Variants in CHCHD6 observed in about 807,000 individuals in gnomAD.
The protein encoded by CHCHD6 is MICOS complex subunit MIC25.
CHCHD6 carries 28 observed loss-of-function variants against 32.3 expected under a neutral mutation model. That is an observed-to-expected ratio of 0.87 (90% CI 0.64 to 1.19). The LOEUF (loss-of-function observed/expected upper bound fraction) is 1.19, where lower values mean the gene tolerates loss of function less well. Among genes scored for constraint, CHCHD6 ranks in the 50% most tolerant of loss-of-function variants. The pLI, the probability that CHCHD6 is intolerant of heterozygous loss-of-function variation, is 0.00. For synonymous variants in CHCHD6, 122 were observed against 117.5 expected, an observed-to-expected ratio of 1.04 and a Z score of -0.25; for missense variants, 333 against 307.0, an observed-to-expected ratio of 1.08 and a Z score of -0.63.
At chr3:126,730,718 C>T in intron 3 of CHCHD6, 88 bp downstream of exon 3, 2 of 1,099,678 alleles carry the variant, frequency 1.8e-6, no homozygotes, top group Non-Finnish European at 1.4e-6. Context: ...TGCCTGAAGC[C>T]CTGGAGGCTT....
chr3:126,928,499 C>T (rs773410616), intron 6 of CHCHD6, among the ~76,000 whole-genome samples: 5 of 152,108 alleles, frequency 3.3e-5, no homozygotes, highest in African/African-American at 4.8e-5. Context: ...GCTGGCCGCA[C>T]GTCACCTGTG....
At chr3:126,802,405 T>C (rs1170537436) in intron 4 of CHCHD6, among the ~76,000 whole-genome samples, 3 of 152,202 alleles carry the variant, frequency 2.0e-5, no homozygotes, top group Admixed American at 6.5e-5. Context: ...GCTTGAGAAC[T>C]ACGTGAAGAA....
At chr3:126,797,786 G>A (rs1195172565) in intron 4 of CHCHD6, among the ~76,000 whole-genome samples, 1 of 152,170 alleles carries the variant, frequency 6.6e-6, no homozygotes, top group Non-Finnish European at 1.5e-5. Flanking sequence ...TAACACACGT[G>A]CTCCCTCAGG....
chr3:126,862,482 TTCCTCCACCATCACCACCTCCCCC>T (rs1941960195), intron 5 of CHCHD6, among the ~76,000 whole-genome samples: 1 of 5,956 alleles, frequency 1.7e-4, no homozygotes, highest in Non-Finnish European at 3.3e-4. Context: ...CCTCCTCCTC[TTCCTCCACCATCACCACCTCCCCC>T]TCCTCCACCA....
chr3:126,850,450 A>C (rs1279584701), intron 4 of CHCHD6, among the ~76,000 whole-genome samples: 1 of 152,230 alleles, frequency 6.6e-6, no homozygotes, highest in Non-Finnish European at 1.5e-5. Context: ...CCAACACTTT[A>C]GTCCTGCGTC....
At chr3:126,856,758 G>A (rs987563562) in intron 5 of CHCHD6, among the ~76,000 whole-genome samples, 2 of 152,202 alleles carry the variant, frequency 1.3e-5, no homozygotes, top group Admixed American at 6.5e-5. Context: ...ACCACTTGTG[G>A]CTGGCCAAGC....
At chr3:126,876,733 G>A (rs928438188) in intron 5 of CHCHD6, among the ~76,000 whole-genome samples, 6 of 152,066 alleles carry the variant, frequency 3.9e-5, no homozygotes, top group African/African-American at 9.7e-5. Flanking sequence ...TTTTGCAACC[G>A]GACTCTAATA....
intron 5 of CHCHD6, chr3:126,865,645 C>T (rs1381863141): frequency 2.0e-6 from 2 of 985,166 alleles, no homozygotes; most frequent in African/African-American, 3.5e-5. Flanking sequence ...CCCTCTCCCA[C>T]CGCTACTACT....
At chr3:126,943,468 G>A (rs2078592189) in intron 6 of CHCHD6, among the ~76,000 whole-genome samples, 1 of 152,174 alleles carries the variant, frequency 6.6e-6, no homozygotes, top group Admixed American at 6.6e-5. Flanking sequence ...GTAGCGGGTG[G>A]CTGACCCTGT....
At chr3:126,728,341 A>G (rs767988672) in intron 2 of CHCHD6, among the ~76,000 whole-genome samples, 1 of 152,192 alleles carries the variant, frequency 6.6e-6, no homozygotes, top group Non-Finnish European at 1.5e-5. Flanking sequence ...GGACTGTGAA[A>G]GGCAGGAGGA....
At chr3:126,936,691 G>A (rs1315404846) in intron 6 of CHCHD6, among the ~76,000 whole-genome samples, 2 of 152,084 alleles carry the variant, frequency 1.3e-5, no homozygotes, top group South Asian at 2.1e-4. Context: ...AAGTAGCTGG[G>A]TTTACAGGCA....
At chr3:126,849,227 G>A (rs1422209113) in intron 4 of CHCHD6, among the ~76,000 whole-genome samples, 2 of 152,372 alleles carry the variant, frequency 1.3e-5, no homozygotes, top group East Asian at 3.9e-4. Context: ...GCCCCCGCTT[G>A]TGCGGAATGT....
intron 4 of CHCHD6, among the ~76,000 whole-genome samples, chr3:126,790,443 G>A (rs572800807): frequency 3.3e-5 from 5 of 152,284 alleles, no homozygotes; most frequent in African/African-American, 1.2e-4. Flanking sequence ...CATTCTCCCT[G>A]TCACTTTCAG....
At chr3:126,721,838 C>T (rs376409256) in intron 1 of CHCHD6, among the ~76,000 whole-genome samples, 40 of 151,648 alleles carry the variant, frequency 2.6e-4, no homozygotes, top group East Asian at 3.9e-4. Flanking sequence ...TTGTGGAATA[C>T]GCCACACAGT....
intron 5 of CHCHD6, among the ~76,000 whole-genome samples, chr3:126,863,682 C>CTCCTCCACCATCACCACCTCCTCT (rs1942073991): frequency 6.8e-6 from 1 of 148,086 alleles, no homozygotes; most frequent in African/African-American, 2.6e-5. Flanking sequence ...CCACCTCCTC[C>CTCCTCCACCATCACCACCTCCTCT]TCCTCCACCA....
chr3:126,860,273 G>A (rs1161992166), intron 5 of CHCHD6, among the ~76,000 whole-genome samples: 2 of 152,178 alleles, frequency 1.3e-5, no homozygotes, highest in African/African-American at 4.8e-5. Context: ...ACCTTCCACC[G>A]TCATGGGGAG....
At chr3:126,879,440 AT>A (rs1327970972) in intron 5 of CHCHD6, among the ~76,000 whole-genome samples, 1 of 152,152 alleles carries the variant, frequency 6.6e-6, no homozygotes, top group South Asian at 2.1e-4. Context: ...TGCCTATGTC[AT>A]TTTTTTACCA....
intron 1 of CHCHD6, among the ~76,000 whole-genome samples, chr3:126,725,515 T>C (rs1234316855): frequency 4.6e-5 from 7 of 152,244 alleles, no homozygotes; most frequent in Non-Finnish European, 7.3e-5. Context: ...TTCAGAAGGC[T>C]AAATGAACAT....
chr3:126,865,453 T>C, intron 5 of CHCHD6: 1 of 509,084 alleles, frequency 2.0e-6, no homozygotes, highest in South Asian at 8.6e-5. Flanking sequence ...ACCAGCTTCA[T>C]TTCCAGTGCC....
Sources: allele counts gnomAD v4.1 joint callset (sites outside exome capture counted in the v4.1 genomes callset), GRCh38; gene constraint gnomAD v4.1.1; transcripts MANE v1.5; gene names NCBI Gene and HGNC (gene_info 2026-07-23, HGNC 2026-07-21).